ARHGAP15: variants seen among roughly 807,000 people sequenced by gnomAD.
The protein encoded by ARHGAP15 is Rho GTPase activating protein 15.
In ARHGAP15, 51 loss-of-function variants were observed where a neutral mutation model predicts 63.7. The observed-to-expected ratio is 0.80, with a 90% CI of 0.64 to 1.01. The LOEUF is 1.01. ARHGAP15 is among the 50% of genes least tolerant of loss of function. The pLI is 0.00. For missense variants in ARHGAP15, 560 were observed against 564.6 expected (o/e 0.99, Z 0.08); for synonymous variants, 191 against 193.8 (o/e 0.99, Z 0.12).
chr2:143,249,190 TAAC>T (rs951614117), intron 5 of ARHGAP15, among the ~76,000 whole-genome samples: 14 of 151,990 alleles, frequency 9.2e-5, no homozygotes, highest in African/African-American at 1.9e-4. Flanking sequence ...GGTTACTAAA[TAAC>T]AACAACAAAA....
At chr2:143,262,636 C>G (rs34246152) in intron 6 of ARHGAP15, among the ~76,000 whole-genome samples, 32,937 of 149,734 alleles carry the variant, frequency 0.22, 3,859 homozygotes, top group South Asian at 0.35. Context: ...AGACATCTCA[C>G]TGAATCATCT....
chr2:143,648,085 CT>C (rs577654452), intron 12 of ARHGAP15, among the ~76,000 whole-genome samples: 83 of 152,162 alleles, frequency 5.5e-4, no homozygotes, highest in African/African-American at 1.9e-3. Context: ...TGGGAGTCCT[CT>C]TAACCCTGGG....
At chr2:143,544,499 A>G (rs752481553) in intron 10 of ARHGAP15, among the ~76,000 whole-genome samples, 36 of 152,238 alleles carry the variant, frequency 2.4e-4, no homozygotes, top group Admixed American at 2.3e-3. Context: ...ATGTATATGT[A>G]TATAAACACA....
intron 6 of ARHGAP15, among the ~76,000 whole-genome samples, chr2:143,303,222 G>A (rs1402458253): frequency 6.6e-6 from 1 of 151,956 alleles, no homozygotes; most frequent in Non-Finnish European, 1.5e-5. Flanking sequence ...CAAGTGAACA[G>A]GCAACCTAGA....
intron 12 of ARHGAP15, among the ~76,000 whole-genome samples, chr2:143,690,837 C>T (rs1354799372): frequency 6.6e-6 from 1 of 152,032 alleles, no homozygotes. Context: ...AGCTAAAAAC[C>T]ATACCAAAAC....
intron 4 of ARHGAP15, chr2:143,228,181 A>G (rs1693292059): frequency 6.5e-6 from 1 of 153,154 alleles, no homozygotes; most frequent in South Asian, 2.1e-4. Flanking sequence ...ACTGAAATAC[A>G]CTAAACCAAT....
chr2:143,231,155 A>T (rs537045390), intron 5 of ARHGAP15, among the ~76,000 whole-genome samples: 1 of 149,110 alleles, frequency 6.7e-6, no homozygotes, highest in South Asian at 2.1e-4. Context: ...TGAAATGGGC[A>T]TAGTGATACC....
intron 12 of ARHGAP15, among the ~76,000 whole-genome samples, chr2:143,701,017 G>C (rs1047670705): frequency 6.6e-6 from 1 of 151,588 alleles, no homozygotes; most frequent in Non-Finnish European, 1.5e-5. Flanking sequence ...GCTCCCCTTT[G>C]TTTCTTTTTT....
At chr2:143,220,797 C>G (rs1415666714) in intron 4 of ARHGAP15, among the ~76,000 whole-genome samples, 1 of 152,038 alleles carries the variant, frequency 6.6e-6, no homozygotes, top group African/African-American at 2.4e-5. Flanking sequence ...ACCTTTGTAT[C>G]TTTTATAAAT....
chr2:143,317,491 A>T (rs1348949132), intron 6 of ARHGAP15, among the ~76,000 whole-genome samples: 3 of 152,206 alleles, frequency 2.0e-5, no homozygotes, highest in South Asian at 2.1e-4. Flanking sequence ...TAGAAGAAAG[A>T]AGACTTGTTT....
At position 143,155,502 on chromosome 2, in the gene ARHGAP15, T is replaced by C. The variant is rs1690041236; in HGVS notation, c.12T>C (p.Ser4=). Residue 4 remains serine, a synonymous_variant, in exon 2 of 14, where the codon TCT becomes TCC. Transcript: ENST00000295095. ...GATAGCACTATAATATGCAGAAATC[T>C]ACAAATTCTGATACTTCCGTGGAAA... MQK[S]TNSDTSVETL... The C allele has an allele frequency of 6.2e-7, 1 of 1,607,070 alleles. No homozygotes were observed. The highest frequency in any genetic ancestry group is 1.3e-5 in the African/African-American group (1 of 74,430).
intron 9 of ARHGAP15, among the ~76,000 whole-genome samples, chr2:143,502,556 G>C (rs888901509): frequency 3.9e-5 from 6 of 152,042 alleles, no homozygotes; most frequent in Non-Finnish European, 5.9e-5. Context: ...GGAAGCTTCT[G>C]TGTGTGGATC....
chr2:143,404,508 C>T lies in ARHGAP15; in HGVS notation c.475-31093C>T, dbSNP rs575787879. Among the ~76,000 whole-genome samples the T allele has an allele frequency of 6.6e-5, 10 of 151,888 alleles. 1 individual carries two copies. In the South Asian group the frequency reaches 2.1e-3, roughly 32 times the overall value. On this transcript the variant is annotated intron_variant, in intron 6 of 13. Coordinates refer to ENST00000295095, the MANE Select transcript of ARHGAP15 (RefSeq NM_018460.4). ...TATTTTTTCAGGAGCATGTTTATCA[C>T]CTAAAGCATGGGTACTTCTAATTTA... is the stretch of plus-strand genomic sequence containing the variant.
At chr2:143,544,329 T>C (rs1695232753) in intron 10 of ARHGAP15, among the ~76,000 whole-genome samples, 1 of 152,160 alleles carries the variant, frequency 6.6e-6, no homozygotes, top group African/African-American at 2.4e-5. Context: ...AGATTTATGA[T>C]AGTCTCCAAA....
intron 6 of ARHGAP15, among the ~76,000 whole-genome samples, chr2:143,331,187 C>A (rs1684531765): frequency 6.6e-6 from 1 of 152,010 alleles, no homozygotes; most frequent in African/African-American, 2.4e-5. Flanking sequence ...TATATTTTTC[C>A]CCCTGGGAAC....
At chr2:143,522,346 G>A (rs1250074962) in intron 10 of ARHGAP15, among the ~76,000 whole-genome samples, 3 of 152,162 alleles carry the variant, frequency 2.0e-5, no homozygotes, top group African/African-American at 7.2e-5. Context: ...TAAGGAGCAT[G>A]TTAGTCTTTA....
intron 6 of ARHGAP15, among the ~76,000 whole-genome samples, chr2:143,282,353 T>C (rs1307405602): frequency 6.6e-6 from 1 of 152,054 alleles, no homozygotes; most frequent in Non-Finnish European, 1.5e-5. Flanking sequence ...CTGGGTAGTT[T>C]ATAAGGAAAA....
Position 143,729,467 on chromosome 2 carries a change from G to A in ARHGAP15, c.1244+25943G>A, listed in dbSNP as rs375388532. On this transcript the variant is annotated intron_variant, in intron 13 of 13. Transcript: ENST00000295095. The stretch of plus-strand genomic sequence containing the variant: ...TTTCAGCAGGGCTGTTGCCTGGTCC[G>A]ATTCACTTTTGTTTTCCAAGTCTTT... Among the ~76,000 whole-genome samples, 8 of 152,106 alleles carry A rather than the reference G, an allele frequency of 5.3e-5. No homozygotes were observed. In the East Asian group the frequency reaches 5.8e-4, roughly 11 times the overall value.
intron 2 of ARHGAP15, among the ~76,000 whole-genome samples, chr2:143,187,722 C>A (rs1211810143): frequency 6.6e-6 from 1 of 152,144 alleles, no homozygotes; most frequent in African/African-American, 2.4e-5. Flanking sequence ...ACTTATAATT[C>A]TTTTTGTATT....
Sources: allele counts gnomAD v4.1 joint callset (sites outside exome capture counted in the v4.1 genomes callset), GRCh38; gene constraint gnomAD v4.1.1; transcripts MANE v1.5; gene names NCBI Gene and HGNC (gene_info 2026-07-23, HGNC 2026-07-21).